LMNTD1: variants seen among roughly 807,000 people sequenced by gnomAD.
LMNTD1 encodes lamin tail domain containing 1.
Under a neutral mutation model 50.9 loss-of-function variants are expected in LMNTD1, and 35 were observed. The observed-to-expected ratio is 0.69, with a 90% CI of 0.53 to 0.91. The LOEUF (loss-of-function observed/expected upper bound fraction) is 0.91, where lower values mean the gene tolerates loss of function less well. Among genes scored for constraint, LMNTD1 ranks in the 40% least tolerant of loss-of-function variants. LMNTD1 has a pLI of 0.00. For missense variants in LMNTD1, 470 were observed against 475.5 expected (o/e 0.99, Z 0.11); for synonymous variants, 153 against 161.9 (o/e 0.94, Z 0.42).
intron 1 of LMNTD1, among the ~76,000 whole-genome samples, chr12:25,644,753 T>C (rs965039870): frequency 2.6e-5 from 4 of 152,140 alleles, no homozygotes; most frequent in African/African-American, 9.6e-5. Flanking sequence ...ACAAGAATCC[T>C]TGGAAAGGTG....
chr12:25,516,000 C>A lies in LMNTD1; in HGVS notation c.1189+2795G>T, dbSNP rs116660992. Among the ~76,000 whole-genome samples the A allele has an allele frequency of 8.2e-3, 1,250 of 152,108 alleles. 10 individuals are homozygous for A. The highest frequency in any genetic ancestry group is 0.028 in the African/African-American group (1,171 of 41,530). ...TGGTGGCAAATTTTCCAGTAGCAGG[C>A]AAATTAAAAAGATAGTGGATAATTA... On this transcript the variant is annotated intron_variant, in intron 8 of 9. Transcript: ENST00000458174.
At chr12:25,498,141 T>G (rs1939171282) in intron 9 of LMNTD1, among the ~76,000 whole-genome samples, 1 of 152,074 alleles carries the variant, frequency 6.6e-6, no homozygotes, top group Non-Finnish European at 1.5e-5. Flanking sequence ...ACAAATAGGG[T>G]CAACATTAAT....
At chr12:25,489,078 T>A (rs1392029515) in intron 9 of LMNTD1, among the ~76,000 whole-genome samples, 1 of 152,020 alleles carries the variant, frequency 6.6e-6, no homozygotes, top group Non-Finnish European at 1.5e-5. Context: ...CTGCTGTCTT[T>A]TTGTTTGTCT....
At chr12:25,626,834 G>A (rs1219992732) in intron 1 of LMNTD1, among the ~76,000 whole-genome samples, 1 of 152,138 alleles carries the variant, frequency 6.6e-6, no homozygotes, top group Non-Finnish European at 1.5e-5. Context: ...TTCTCAATAA[G>A]CTTGACCATC....
At chr12:25,527,681 T>TATACACACACAC (rs1463259109) in intron 4 of LMNTD1, among the ~76,000 whole-genome samples, 11 of 32,346 alleles carry the variant, frequency 3.4e-4, no homozygotes, top group East Asian at 1.1e-3. Flanking sequence ...TATATATATA[T>TATACACACACAC]ACACACACAC....
intron 4 of LMNTD1, among the ~76,000 whole-genome samples, chr12:25,541,556 A>G (rs1318527091): frequency 6.0e-5 from 5 of 82,840 alleles, no homozygotes; most frequent in African/African-American, 1.9e-4. Context: ...CTTACACCTT[A>G]TACAAAAATC....
At chr12:25,554,273 T>G (rs1943940225), upstream of LMNTD1, among the ~76,000 whole-genome samples, 1 of 152,250 alleles carries the variant, frequency 6.6e-6, no homozygotes, top group Non-Finnish European at 1.5e-5. Context: ...TGGATGGCTT[T>G]CTAGCTGTTA....
chr12:25,541,230 A>G lies in LMNTD1; in HGVS notation c.491+5144T>C, dbSNP rs934572080. Among the ~76,000 whole-genome samples the G allele has an allele frequency of 3.1e-4, 25 of 80,960 alleles. 7 individuals are homozygous for G. Among genetic ancestry groups the G allele is most frequent in the Non-Finnish European group, 7.9e-4 (25 of 31,708 alleles). The allele number at this position is 80,960 out of a possible 152,430, so 53.1% of individuals were successfully genotyped here. A position where few individuals can be genotyped will look rare whatever the true frequency, so the allele number is the denominator to read the frequency against. On this transcript the variant is annotated intron_variant, in intron 4 of 9. Transcript: ENST00000458174. Reference sequence around the variant, plus strand: ...TCACAGAATTGGAAAAAACTACTTTAAAGTTCATATGGAACCAAAAAAGAG... The same window carrying G: ...TCACAGAATTGGAAAAAACTACTTTGAAGTTCATATGGAACCAAAAAAGAG...
intron 3 of LMNTD1, among the ~76,000 whole-genome samples, chr12:25,548,428 C>T (rs896818278): frequency 5.9e-5 from 9 of 151,718 alleles, no homozygotes; most frequent in African/African-American, 1.9e-4. Context: ...AACACAAACC[C>T]CAAATCTCAT....
intron 7 of LMNTD1, among the ~76,000 whole-genome samples, chr12:25,519,382 C>A (rs1176428091): frequency 1.9e-5 from 2 of 107,016 alleles, no homozygotes; most frequent in Admixed American, 9.5e-5. Flanking sequence ...ACAAGGAGAT[C>A]GAGACCATCC....
intron 1 of LMNTD1, among the ~76,000 whole-genome samples, chr12:25,561,237 G>A (rs937987684): frequency 6.6e-6 from 1 of 151,872 alleles, no homozygotes; most frequent in Admixed American, 6.6e-5. Context: ...GTGATGTTAG[G>A]GTGTCAATTT....
Position 25,623,793 on chromosome 12 carries a change from C to T in LMNTD1, c.58+24701G>A, listed in dbSNP as rs541956984. Among the ~76,000 whole-genome samples, 7 of 152,202 alleles carry T rather than the reference C, an allele frequency of 4.6e-5. No homozygotes were observed. In the South Asian group the frequency reaches 1.5e-3, roughly 32 times the overall value. On this transcript the variant is annotated intron_variant, in intron 1 of 7. Coordinates refer to the LMNTD1 transcript ENST00000445693. ...AAAAACATACCCCTGGACATGCCTT[C>T]CTGCTTAGAGAGAGATGGTGGCAGA... is the stretch of plus-strand genomic sequence containing the variant.
intron 1 of LMNTD1, chr12:25,592,927 G>C (rs1428518703): frequency 6.6e-6 from 1 of 152,346 alleles, no homozygotes; most frequent in African/African-American, 2.4e-5. Context: ...TGGGAGCTTA[G>C]TGAGGCCTGT....
intron 8 of LMNTD1, among the ~76,000 whole-genome samples, chr12:25,507,502 T>C (rs1293691054): frequency 2.0e-5 from 3 of 152,190 alleles, no homozygotes; most frequent in African/African-American, 7.2e-5. Context: ...TCTCTCTCAT[T>C]TAACAGTCTG....
Position 25,545,767 on chromosome 12 carries a change from T to C in LMNTD1, c.491+607A>G, listed in dbSNP as rs570949726. Among the ~76,000 whole-genome samples, 4 of 151,716 alleles carry C rather than the reference T, an allele frequency of 2.6e-5. No individual in the cohort carries two copies. The South Asian group carries it at 8.3e-4, about 32-fold the overall frequency. On this transcript the variant is annotated intron_variant, in intron 4 of 9. Coordinates refer to ENST00000458174, the MANE Select transcript of LMNTD1 (RefSeq NM_001145728.2). ...ACATGGCATAAAGGGAGAGAAAATT[T>C]CCTTCATATCTGACCCTCAACTCTG...
chr12:25,496,312 G>T (rs1939065024), intron 9 of LMNTD1, among the ~76,000 whole-genome samples: 1 of 152,158 alleles, frequency 6.6e-6, no homozygotes, highest in Non-Finnish European at 1.5e-5. Flanking sequence ...ACAGCTGGAA[G>T]AAATTTTAAA....
chr12:25,556,746 T>C (rs1468083874), upstream of LMNTD1, among the ~76,000 whole-genome samples: 2 of 152,254 alleles, frequency 1.3e-5, no homozygotes, highest in East Asian at 1.9e-4. Context: ...TAAGAAAAAA[T>C]TAAAAGTGGC....
intron 9 of LMNTD1, among the ~76,000 whole-genome samples, chr12:25,486,769 G>A (rs1938659758): frequency 6.7e-6 from 1 of 149,464 alleles, no homozygotes; most frequent in South Asian, 2.2e-4. Flanking sequence ...TAATCATGTG[G>A]TTTTTGTCTT....
chr12:25,526,077 T>C (rs758042452), intron 6 of LMNTD1, 22 bp downstream of exon 6: 23 of 1,529,626 alleles, frequency 1.5e-5, no homozygotes, highest in Non-Finnish European at 2.0e-5. Flanking sequence ...AAAAAAACGA[T>C]TGTTAAGAAC....
Sources: allele counts gnomAD v4.1 joint callset (sites outside exome capture counted in the v4.1 genomes callset), GRCh38; gene constraint gnomAD v4.1.1; transcripts MANE v1.5; gene names NCBI Gene and HGNC (gene_info 2026-07-23, HGNC 2026-07-21).